The following NMS variants were observed in gnomAD, a reference collection of about 807,000 sequenced individuals.
NMS encodes neuromedin-S.
Under a neutral mutation model 32.2 loss-of-function variants are expected in NMS, and 30 were observed. The observed-to-expected ratio is 0.93, with a 90% CI of 0.70 to 1.26. NMS has a LOEUF of 1.26. Ranked by LOEUF, NMS falls within the 50% of genes most tolerant of loss-of-function variation. The probability of loss-of-function intolerance (pLI) is 0.00; values close to 1 mark genes in which losing one functional copy is unlikely to be tolerated. For missense variants in NMS, 190 were observed against 186.3 expected (o/e 1.02, Z -0.12); for synonymous variants, 76 against 58.5 (o/e 1.30, Z -1.37).
At chr2:100,480,639 G>T in intron 7 of NMS, 108 bp downstream of exon 7, 1 of 1,083,856 alleles carries the variant, frequency 9.2e-7, no homozygotes. Context: ...CCAGTTCTGG[G>T]CAGAGCTGGT....
chr2:100,481,314 C>T, intron 8 of NMS, 147 bp downstream of exon 8: 1 of 807,056 alleles, frequency 1.2e-6, no homozygotes, highest in Admixed American at 1.9e-5. Context: ...CTGGGAATCA[C>T]TCCAAGTAAA....
chr2:100,471,421 G>A (rs188288484), intron 1 of NMS, among the ~76,000 whole-genome samples: 65 of 152,232 alleles, frequency 4.3e-4, no homozygotes, highest in African/African-American at 1.5e-3. Context: ...AGGTCATCTG[G>A]TTTAACCTCT....
chr2:100,471,214 A>G (rs1045945689), intron 1 of NMS, among the ~76,000 whole-genome samples: 1 of 152,188 alleles, frequency 6.6e-6, no homozygotes, highest in African/African-American at 2.4e-5. Flanking sequence ...TCTTCATAGG[A>G]TGCAGGGAAG....
intron 7 of NMS, among the ~76,000 whole-genome samples, chr2:100,480,773 TC>T (rs2104339203): frequency 6.6e-6 from 1 of 152,174 alleles, no homozygotes; most frequent in East Asian, 1.9e-4. Flanking sequence ...CAGAGATGAG[TC>T]CCCTGGAGCC....
chr2:100,472,697 T>C (rs753314681), intron 1 of NMS, 98 bp from the exon 2 acceptor site: 93 of 743,492 alleles, frequency 1.3e-4, no homozygotes, highest in Middle Eastern at 2.9e-4. Context: ...TGGTGGTTTA[T>C]TATTTTAACA....
At chr2:100,476,634 T>C (rs1277924589) in intron 3 of NMS, among the ~76,000 whole-genome samples, 15 of 152,216 alleles carry the variant, frequency 9.9e-5, no homozygotes, top group Admixed American at 9.8e-4. Context: ...TCATCTCTTG[T>C]GACTTTATAA....
rs756160335 is a variant in NMS at position 100,481,112 on chromosome 2, T to C, written c.373-14T>C. The C allele has an allele frequency of 2.5e-5, 40 of 1,613,900 alleles. No individual in the cohort carries two copies. The African/African-American group carries it at 5.3e-4, about 22-fold the overall frequency. On this transcript the variant is annotated splice_polypyrimidine_tract_variant and intron_variant, in intron 7 of 9. Transcript: ENST00000376865. The stretch of plus-strand genomic sequence containing the variant: ...ATATGGTTGCATAATGGCTTGTGTT[T>C]CTATATGTTGCAGGATCACACTGCG...
At position 100,472,807 on chromosome 2, in the gene NMS, C is replaced by A; in HGVS notation, c.89C>A (p.Pro30His). 1 of 1,608,072 alleles carries A rather than the reference C, an allele frequency of 6.2e-7. No individual in the cohort carries two copies. Among genetic ancestry groups the A allele is most frequent in the Non-Finnish European group, 8.5e-7 (1 of 1,175,006 alleles). Residue 30 changes from proline to histidine, a missense_variant, in exon 2 of 10, where the codon CCT (proline) becomes CAT (histidine). By Grantham distance (77) the Pro-to-His change is moderately conservative. Coordinates refer to ENST00000376865, the MANE Select transcript of NMS (RefSeq NM_001011717.1). ...LQIPSSGFPQ[P>H]LADPSDGLDI... ...TTTCTCACAATAGGATTTCCTCAAC[C>A]TTTAGCTGATCCTTCAGATGGCTTG...
At chr2:100,471,122 G>A (rs1677000211) in intron 1 of NMS, among the ~76,000 whole-genome samples, 1 of 152,190 alleles carries the variant, frequency 6.6e-6, no homozygotes. Context: ...CCGGGTGCGG[G>A]CATCGCCTCA....
intron 1 of NMS, among the ~76,000 whole-genome samples, chr2:100,471,408 T>C (rs1677004406): frequency 6.6e-6 from 1 of 152,188 alleles, no homozygotes; most frequent in Non-Finnish European, 1.5e-5. Flanking sequence ...CAAAGGACCA[T>C]GAAGGTCATC....
chr2:100,480,385 A>G, intron 6 of NMS, 111 bp from the exon 7 acceptor site: 1 of 1,102,932 alleles, frequency 9.1e-7, no homozygotes, highest in Non-Finnish European at 1.4e-6. Context: ...CTTTTGCACC[A>G]GACTTCTGAC....
At chr2:100,475,999 C>CAAAAAA (rs746460668) in intron 3 of NMS, among the ~76,000 whole-genome samples, 174 of 111,734 alleles carry the variant, frequency 1.6e-3, no homozygotes, top group Admixed American at 2.6e-3. Context: ...ACCCTATCTC[C>CAAAAAA]AAAAAAAAAA....
At chr2:100,477,029 A>G (rs1005341972) in intron 3 of NMS, among the ~76,000 whole-genome samples, 6 of 152,184 alleles carry the variant, frequency 3.9e-5, no homozygotes, top group African/African-American at 1.4e-4. Flanking sequence ...ATATTTTCAC[A>G]TGATGATGTA....
At chr2:100,474,103 T>C (rs181181930) in intron 3 of NMS, among the ~76,000 whole-genome samples, 1 of 152,110 alleles carries the variant, frequency 6.6e-6, no homozygotes, top group South Asian at 2.1e-4. Flanking sequence ...AGGCGGAGGT[T>C]GCAGTGAGCC....
intron 1 of NMS, among the ~76,000 whole-genome samples, chr2:100,471,755 C>A (rs1677010435): frequency 6.6e-6 from 1 of 152,188 alleles, no homozygotes; most frequent in South Asian, 2.1e-4. Flanking sequence ...CCAAAAACTT[C>A]TTTAGGCTAA....
chr2:100,471,068 G>A (rs1372150228), intron 1 of NMS, among the ~76,000 whole-genome samples: 2 of 152,196 alleles, frequency 1.3e-5, no homozygotes, highest in African/African-American at 4.8e-5. Flanking sequence ...GAGTGTACCG[G>A]AAGCCGCTAC....
At chr2:100,472,976 C>T (rs1677029453) in intron 2 of NMS, 126 bp downstream of exon 2, 1 of 580,542 alleles carries the variant, frequency 1.7e-6, no homozygotes, top group African/African-American at 1.9e-5. Flanking sequence ...TCACTGTTGC[C>T]ATTTTTCATG....
chr2:100,472,309 G>T (rs1677020230), intron 1 of NMS, among the ~76,000 whole-genome samples: 2 of 152,238 alleles, frequency 1.3e-5, no homozygotes, highest in African/African-American at 4.8e-5. Flanking sequence ...GGGTCCAGCT[G>T]CATGCCAGCA....
At position 100,481,227 on chromosome 2, in the gene NMS, A is replaced by G. The variant is rs878891410; in HGVS notation, c.414+60A>G. 2.0e-5 allele frequency: 30 copies of G among 1,497,330 alleles called. 1 individual carries two copies. The South Asian group carries it at 2.4e-4, about 12-fold the overall frequency. 92.8% of individuals were successfully genotyped at this position (1,497,330 alleles called of 1,614,324 possible). ...TCGATTCACTGCAGCCATCCCAATC[A>G]TGGAGTGACTGCAAACAGCAGAGCC... On this transcript the variant is annotated intron_variant, in intron 8 of 9. Coordinates refer to ENST00000376865, the MANE Select transcript of NMS (RefSeq NM_001011717.1).
Sources: allele counts gnomAD v4.1 joint callset (sites outside exome capture counted in the v4.1 genomes callset), GRCh38; gene constraint gnomAD v4.1.1; transcripts MANE v1.5; gene names NCBI Gene and HGNC (gene_info 2026-07-23, HGNC 2026-07-21).